The following PUF60 variants were observed in gnomAD, a reference collection of about 807,000 sequenced individuals.
PUF60 encodes the protein poly(U)-binding-splicing factor PUF60.
In PUF60, 10 loss-of-function variants were observed where a neutral mutation model predicts 61.8. That is an observed-to-expected ratio of 0.16 (90% CI 0.10 to 0.27). The LOEUF (loss-of-function observed/expected upper bound fraction) is 0.27. Among genes scored for constraint, PUF60 ranks in the 10% least tolerant of loss-of-function variants. The probability of loss-of-function intolerance (pLI) is 1.00; values close to 1 mark genes in which losing one functional copy is unlikely to be tolerated. For missense variants in PUF60, 371 were observed against 754.0 expected (o/e 0.49, Z 5.95); for synonymous variants, 353 against 300.9 (o/e 1.17, Z -1.79).
intron 1 of PUF60, among the ~76,000 whole-genome samples, chr8:143,824,641 G>A (rs758835209): frequency 1.7e-4 from 26 of 152,246 alleles, no homozygotes; most frequent in Admixed American, 1.1e-3. Flanking sequence ...GAGTCCCAGC[G>A]GGGATGGGGA....
Position 143,816,761 on chromosome 8 carries a change from T to G in PUF60, c.1439A>C (p.Glu480Ala), listed in dbSNP as rs776410038. 1.2e-6 allele frequency: 2 copies of G among 1,613,688 alleles called. No individual in the cohort carries two copies. Among genetic ancestry groups the G allele is most frequent in the Non-Finnish European group, 8.5e-7 (1 of 1,179,864 alleles). The change falls in exon 12 of 12, where the codon GAA becomes GCA. Residue 480 changes from glutamate (E) to alanine (A), a missense_variant. Glu to Ala is a moderately radical substitution (Grantham distance 107). Transcript: ENST00000526683. ...VDPKDIDDDLEGEVTEECGKF... is the reference protein window; with the variant it reads ...VDPKDIDDDLAGEVTEECGKF... ...GCCACACTCCTCTGTCACCTCCCCT[T>G]CCAGGTCATCATCGATGTCCTTGGG... is the stretch of plus-strand genomic sequence containing the variant.
chr8:143,823,372 G>A (rs954351169), intron 2 of PUF60: 1 of 152,542 alleles, frequency 6.6e-6, no homozygotes, highest in Admixed American at 6.5e-5. Flanking sequence ...GGGAAAGAGG[G>A]CCCAAGAGCC....
At chr8:143,828,963 G>C in intron 1 of PUF60, 1 of 989,380 alleles carries the variant, frequency 1.0e-6, no homozygotes, top group South Asian at 4.7e-5. Context: ...AAGGGAGGAC[G>C]ACGACCCCCG....
chr8:143,819,012 A>T (rs1161811149), intron 5 of PUF60: 1 of 161,306 alleles, frequency 6.2e-6, no homozygotes, highest in African/African-American at 2.4e-5. Context: ...CACTGCCCAG[A>T]AGAGACCCCA....
rs1244205282 is a variant in PUF60 at position 143,829,128 on chromosome 8, C to T, written c.24+152G>A. The T allele has an allele frequency of 8.4e-6, 10 of 1,185,316 alleles. No homozygotes were observed. In the South Asian group the frequency reaches 3.3e-4, roughly 40 times the overall value. 73.4% of individuals were successfully genotyped at this position (1,185,316 alleles called of 1,614,324 possible). On this transcript the variant is annotated intron_variant, in intron 1 of 11. Coordinates refer to ENST00000526683, the MANE Select transcript of PUF60 (RefSeq NM_078480.3). ...CGGCCGCCGGCGCGCGCCCGCCCCGCCCCCGCCTCACGCGACCCGGGGACA... is the reference window on the plus strand; with the variant it reads ...CGGCCGCCGGCGCGCGCCCGCCCCGTCCCCGCCTCACGCGACCCGGGGACA...
At chr8:143,828,078 G>A (rs770290807) in intron 1 of PUF60, among the ~76,000 whole-genome samples, 16 of 152,218 alleles carry the variant, frequency 1.1e-4, no homozygotes, top group Admixed American at 3.9e-4. Flanking sequence ...GGCTTCAAGA[G>A]AAAGGACATA....
At position 143,818,341 on chromosome 8, in the gene PUF60, C is replaced by T. The variant is rs562505132; in HGVS notation, c.510+32G>A. The T allele has an allele frequency of 1.4e-5, 22 of 1,609,570 alleles. No homozygotes were observed. The highest frequency in any genetic ancestry group is 3.3e-4 in the Middle Eastern group (2 of 6,054). On this transcript the variant is annotated intron_variant, in intron 6 of 11. Coordinates refer to ENST00000526683, the MANE Select transcript of PUF60 (RefSeq NM_078480.3). The surrounding 1 kb of genome is among the most constrained non-coding windows in gnomAD (Gnocchi z 7.9). ...GCGAGCCCAGGGGTGGGGGCGAGCCCGAAGTGGCCGGGGCGGACCAAGCCT... is the reference window on the plus strand; with the variant it reads ...GCGAGCCCAGGGGTGGGGGCGAGCCTGAAGTGGCCGGGGCGGACCAAGCCT...
In PUF60 at chr8:143,821,697, C is replaced by T. The variant is rs372245744; in HGVS notation, c.208-11G>A. ...GGCGTACTTCTTGGCCTGAGAGAGG[C>T]GGCAGTGAGGAGCACTGGGGGCCCA... is the stretch of plus-strand genomic sequence containing the variant. On this transcript the variant is annotated splice_polypyrimidine_tract_variant and intron_variant, in intron 3 of 11. Coordinates refer to ENST00000526683, the MANE Select transcript of PUF60 (RefSeq NM_078480.3). The T allele has an allele frequency of 4.8e-5, 75 of 1,548,552 alleles. No homozygotes were observed. In the Admixed American group the frequency reaches 5.7e-4, roughly 12 times the overall value.
chr8:143,824,877 A>T (rs1377995536), intron 1 of PUF60: 1 of 179,512 alleles, frequency 5.6e-6, no homozygotes, highest in Non-Finnish European at 1.2e-5. Context: ...TTCTCTCCTG[A>T]AGACACTTTT....
At position 143,818,605 on chromosome 8, in the gene PUF60, C is replaced by G; in HGVS notation, c.349-71G>C. 2 of 1,464,162 alleles carry G rather than the reference C, an allele frequency of 1.4e-6. No individual in the cohort carries two copies. The highest frequency in any genetic ancestry group is 1.8e-6 in the Non-Finnish European group (2 of 1,098,538). The allele number at this position is 1,464,162 out of a possible 1,614,324, so 90.7% of individuals were successfully genotyped here. ...GCAGGAAGCTGGGCAGCCCACTCCC[C>G]TCCTGGCCCACCCACCCAGCCCTGC... On this transcript the variant is annotated intron_variant, in intron 5 of 11. Transcript: ENST00000526683. This position sits in a 1 kb window ranked among gnomAD's most constrained non-coding sequence, Gnocchi z 7.9.
chr8:143,823,811 A>G (rs1190147078), intron 2 of PUF60, among the ~76,000 whole-genome samples: 1 of 152,232 alleles, frequency 6.6e-6, no homozygotes, highest in Non-Finnish European at 1.5e-5. Flanking sequence ...CCCACTCTGG[A>G]GCCTGGGGCC....
At position 143,817,522 on chromosome 8, in the gene PUF60, T is replaced by C; in HGVS notation, c.1009-56A>G. The C allele has an allele frequency of 6.2e-7, 1 of 1,608,278 alleles. No homozygotes were observed. Among genetic ancestry groups the C allele is most frequent in the South Asian group, 1.1e-5 (1 of 90,856 alleles). ...CCTGGTCTGGCTACTCAAGACCACCTTGAATCAGTCTCCAAGGAATCAGGG... is the reference window on the plus strand; with the variant it reads ...CCTGGTCTGGCTACTCAAGACCACCCTGAATCAGTCTCCAAGGAATCAGGG... On this transcript the variant is annotated intron_variant, in intron 9 of 11. Transcript: ENST00000526683. The surrounding 1 kb of genome is among the most constrained non-coding windows in gnomAD (Gnocchi z 7.4).
chr8:143,818,129 A>C lies in PUF60; in HGVS notation c.604-54T>G, dbSNP rs772771386. ...CCGGTCAACCCAGGCCCGGCCACAAAAGGCTTCCGTGGAGGGGCAGCCCTG... is the reference window on the plus strand; with the variant it reads ...CCGGTCAACCCAGGCCCGGCCACAACAGGCTTCCGTGGAGGGGCAGCCCTG... On this transcript the variant is annotated intron_variant, in intron 7 of 11. Transcript: ENST00000526683. The surrounding 1 kb of genome is among the most constrained non-coding windows in gnomAD (Gnocchi z 7.9). 2.1e-5 allele frequency: 33 copies of C among 1,602,634 alleles called. No individual in the cohort carries two copies. Among genetic ancestry groups the C allele is most frequent in the Non-Finnish European group, 2.6e-5 (31 of 1,174,916 alleles).
At chr8:143,819,321 C>T (rs916783701) in intron 5 of PUF60, among the ~76,000 whole-genome samples, 7 of 152,134 alleles carry the variant, frequency 4.6e-5, no homozygotes, top group African/African-American at 9.7e-5. Flanking sequence ...TTGGCTATTG[C>T]GCTGAGGGAC....
chr8:143,822,742 G>A, intron 2 of PUF60: 1 of 361,510 alleles, frequency 2.8e-6, no homozygotes, highest in Non-Finnish European at 5.6e-6. Flanking sequence ...TTTTTGCAGA[G>A]GGAAGAACGC....
At position 143,816,681 on chromosome 8, in the gene PUF60, C is replaced by T; in HGVS notation, c.1519G>A (p.Glu507Lys). Residue 507 changes from glutamate (E) to lysine (K), a missense_variant, in exon 12 of 12, where the codon GAG becomes AAG. This residue lies in a region of PUF60 where 38 missense variants were observed against 112.9 expected (regional missense o/e 0.34). Transcript: ENST00000526683. ...IIYQEKQGEE[E>K]DAEIIVKIFV... ...ATCTTGACAATGATTTCTGCATCCTCCTCCTCGCCTTGTTTCTCTTGGTAG... is the reference window on the plus strand; with the variant it reads ...ATCTTGACAATGATTTCTGCATCCTTCTCCTCGCCTTGTTTCTCTTGGTAG... The T allele has an allele frequency of 3.7e-6, 6 of 1,613,952 alleles. No homozygotes were observed. Among genetic ancestry groups the T allele is most frequent in the Non-Finnish European group, 5.1e-6 (6 of 1,179,892 alleles).
rs778880870 is a variant in PUF60 at position 143,817,056 on chromosome 8, G to A, written c.1234C>T (p.Leu412Phe). The A allele has an allele frequency of 6.2e-7, 1 of 1,611,540 alleles. No individual in the cohort carries two copies. The highest frequency in any genetic ancestry group is 1.1e-5 in the South Asian group (1 of 90,670). Residue 412 changes from leucine to phenylalanine, a missense_variant, in exon 11 of 12, where the codon CTC (leucine) becomes TTC (phenylalanine). Leu to Phe is a conservative substitution (Grantham distance 22). This residue lies in a region of PUF60 where 68 missense variants were observed against 69.4 expected (regional missense o/e 0.98). Transcript: ENST00000526683. The surrounding 1 kb of genome is among the most constrained non-coding windows in gnomAD (Gnocchi z 7.4). ...TCCTTCTCCTTCTTGGGCTCCAGGA[G>A]ACCCAGCGTTGGAGGGCTGGCCAGG... The part of the protein sequence containing the change: ...PILASPPTLG[L>F]LEPKKEKEEE...
At chr8:143,824,468 G>A (rs942616541) in intron 1 of PUF60, 69 bp from the exon 2 acceptor site, 34 of 1,516,772 alleles carry the variant, frequency 2.2e-5, no homozygotes, top group Middle Eastern at 1.7e-4. Flanking sequence ...CTCTCCTCCC[G>A]AGCTAAGGGC....
chr8:143,825,932 G>A (rs1817593166), intron 1 of PUF60, among the ~76,000 whole-genome samples: 1 of 152,232 alleles, frequency 6.6e-6, no homozygotes, highest in Admixed American at 6.5e-5. Context: ...ATGTGGCTCG[G>A]AAAAACATTT....
Sources: gnomAD v4.1 joint callset for allele counts (sites outside exome capture counted in the v4.1 genomes callset) on GRCh38, gnomAD v4.1.1 for gene constraint, gnomAD v4.1.1 regional missense constraint, Gnocchi (gnomAD v3.1) non-coding constraint, MANE v1.5 for transcripts, NCBI Gene and HGNC (gene_info 2026-07-23, HGNC 2026-07-21) for gene names.